Variants in SPAG6 observed in about 807,000 individuals in gnomAD.
SPAG6 encodes the protein sperm-associated antigen 6.
SPAG6 carries 49 observed loss-of-function variants against 58.5 expected under a neutral mutation model. That is an observed-to-expected ratio of 0.84 (90% CI 0.67 to 1.06). SPAG6 has a LOEUF of 1.06. SPAG6 is among the 50% of genes least tolerant of loss of function. The pLI is 0.00. For synonymous variants in SPAG6, 233 were observed against 225.6 expected, an observed-to-expected ratio of 1.03 and a Z score of -0.29; for missense variants, 560 against 611.3, an observed-to-expected ratio of 0.92 and a Z score of 0.89.
At position 22,364,860 on chromosome 10, in the gene SPAG6, G is replaced by A. The variant is rs755018549; in HGVS notation, c.129G>A (p.Met43Ile). ...NIETLQNAGVMSLLRTLLLDV... is the reference protein window; with the variant it reads ...NIETLQNAGVISLLRTLLLDV... ...TTTCATAATTTAACTCAGGTGTAAT[G>A]TCTTTGCTGAGAACTCTTCTTCTGG... Residue 43 changes from methionine to isoleucine, a missense_variant, in exon 3 of 11, where the codon ATG becomes ATA. Coordinates refer to ENST00000376624, the MANE Select transcript of SPAG6 (RefSeq NM_012443.4). 1.2e-6 allele frequency: 2 copies of A among 1,602,528 alleles called. No homozygotes were observed. Among genetic ancestry groups the A allele is most frequent in the East Asian group, 2.2e-5 (1 of 44,796 alleles).
chr10:22,414,752 C>G (rs1179428009), intron 10 of SPAG6, among the ~76,000 whole-genome samples: 1 of 152,038 alleles, frequency 6.6e-6, no homozygotes, highest in Non-Finnish European at 1.5e-5. Flanking sequence ...TACAGACATA[C>G]TAGCCATTTT....
intron 10 of SPAG6, chr10:22,413,032 C>T (rs1588568965): frequency 1.1e-5 from 1 of 89,084 alleles, no homozygotes. Context: ...AGGTAACTTT[C>T]AATGCAATTT....
Position 22,416,687 on chromosome 10 carries a change from G to A in SPAG6, c.1529G>A (p.Ter510=). ...RVDSYQPLNN[*] ...GACAGCTATCAACCACTTAATAACTGAGCAAAGTTATATTGTGATACTCAA... is the reference window on the plus strand; with the variant it reads ...GACAGCTATCAACCACTTAATAACTAAGCAAAGTTATATTGTGATACTCAA... The change falls in exon 11 of 11, where the codon TGA becomes TAA. Residue 510 remains the stop codon, a stop_retained_variant. Coordinates refer to ENST00000376624, the MANE Select transcript of SPAG6 (RefSeq NM_012443.4). 4 of 1,582,286 alleles carry A rather than the reference G, an allele frequency of 2.5e-6. No individual in the cohort carries two copies. The highest frequency in any genetic ancestry group is 1.7e-6 in the Non-Finnish European group (2 of 1,151,830).
intron 2 of SPAG6, among the ~76,000 whole-genome samples, chr10:22,362,708 A>G (rs879390088): frequency 1.3e-5 from 2 of 152,116 alleles, no homozygotes; most frequent in Non-Finnish European, 2.9e-5. Flanking sequence ...CAGCCTAGGC[A>G]ACAGAGCAAA....
At chr10:22,367,006 TG>T (rs200308641) in intron 3 of SPAG6, among the ~76,000 whole-genome samples, 88 of 148,734 alleles carry the variant, frequency 5.9e-4, no homozygotes, top group African/African-American at 2.1e-3. Flanking sequence ...GTGGTTTTGC[TG>T]GGTTTTTTTT....
At chr10:22,403,369 G>A (rs1190597211) in intron 9 of SPAG6, among the ~76,000 whole-genome samples, 2 of 151,984 alleles carry the variant, frequency 1.3e-5, no homozygotes, top group African/African-American at 4.8e-5. Context: ...CCACCTATGA[G>A]TGAGAATATG....
chr10:22,401,207 C>T lies in SPAG6; in HGVS notation c.1244C>T (p.Pro415Leu). 6.2e-7 allele frequency: 1 copy of T among 1,608,118 alleles called. No individual in the cohort carries two copies. The highest frequency in any genetic ancestry group is 8.5e-7 in the Non-Finnish European group (1 of 1,174,826). ...ATCCTGCAAAAATGTACCTACTTAC[C>T]AGCCCTTGAACCATTTCTATATGAT... ...KNILQKCTYLPALEPFLYDAP... is the reference protein window; with the variant it reads ...KNILQKCTYLLALEPFLYDAP... Residue 415 changes from proline (P) to leucine (L), a missense_variant, in exon 9 of 11, where the codon CCA becomes CTA. Pro to Leu is a moderately conservative substitution (Grantham distance 98). Coordinates refer to ENST00000376624, the MANE Select transcript of SPAG6 (RefSeq NM_012443.4).
At chr10:22,351,352 C>T (rs150934043) in intron 2 of SPAG6, among the ~76,000 whole-genome samples, 25 of 152,284 alleles carry the variant, frequency 1.6e-4, no homozygotes, top group African/African-American at 4.3e-4. Flanking sequence ...TTTAAACGCA[C>T]GCAGAGGAAA....
intron 8 of SPAG6, among the ~76,000 whole-genome samples, chr10:22,394,293 GT>G (rs61556254): frequency 0.071 from 10,744 of 152,120 alleles, 928 homozygotes; most frequent in African/African-American, 0.21. Flanking sequence ...TATTCAGGCA[GT>G]TATACCTTTA....
intron 8 of SPAG6, among the ~76,000 whole-genome samples, chr10:22,395,538 T>C (rs1214338452): frequency 6.6e-6 from 1 of 152,262 alleles, no homozygotes; most frequent in Non-Finnish European, 1.5e-5. Flanking sequence ...TTTAGAGAGA[T>C]GTCTATTCAG....
chr10:22,357,657 A>C (rs577968058), intron 2 of SPAG6, among the ~76,000 whole-genome samples: 1 of 151,882 alleles, frequency 6.6e-6, no homozygotes, highest in Admixed American at 6.6e-5. Context: ...ATATGTATAC[A>C]TGTGCCGTGC....
In SPAG6 at chr10:22,346,430, GTTCTTCTTCTTC is replaced by G. The variant is rs71393995; in HGVS notation, c.121+669_121+680del. Among the ~76,000 whole-genome samples, 698 of 95,994 alleles carry G rather than the reference GTTCTTCTTCTTC, an allele frequency of 7.3e-3. 3 individuals carry two copies. The highest frequency in any genetic ancestry group is 0.015 in the South Asian group (34 of 2,262). The allele number at this position is 95,994 out of a possible 152,430, so 63.0% of individuals were successfully genotyped here. Reference sequence around the variant, plus strand: ...TAACATAAACTGATAAGAGAAAATGGTTCTTCTTCTTCTTCTTCTTCTTCTTCTTCTTCTTCT... The same window carrying G: ...TAACATAAACTGATAAGAGAAAATGGTTCTTCTTCTTCTTCTTCTTCTTCT... On this transcript the variant is annotated intron_variant, in intron 2 of 10. Transcript: ENST00000376624.
intron 2 of SPAG6, among the ~76,000 whole-genome samples, chr10:22,353,083 T>G (rs1291492044): frequency 6.6e-6 from 1 of 152,200 alleles, no homozygotes. Context: ...TGGAGTAAAC[T>G]ATTTCAAATA....
chr10:22,354,789 C>A (rs1836820110), intron 2 of SPAG6, among the ~76,000 whole-genome samples: 1 of 152,028 alleles, frequency 6.6e-6, no homozygotes, highest in South Asian at 2.1e-4. Context: ...TTGGGTGGAA[C>A]ACCTGAAGTT....
chr10:22,373,250 C>T (rs529248789), intron 4 of SPAG6, among the ~76,000 whole-genome samples: 6 of 152,102 alleles, frequency 3.9e-5, no homozygotes, highest in African/African-American at 1.4e-4. Context: ...ATTGTATCCT[C>T]TTTACTAGAT....
intron 2 of SPAG6, among the ~76,000 whole-genome samples, chr10:22,348,077 G>A (rs542227837): frequency 3.6e-4 from 55 of 151,954 alleles, no homozygotes; most frequent in East Asian, 2.1e-3. Context: ...TACAACCTCC[G>A]CCTCCCAGGT....
intron 2 of SPAG6, among the ~76,000 whole-genome samples, chr10:22,352,223 G>A (rs1269423297): frequency 6.6e-6 from 1 of 151,322 alleles, no homozygotes; most frequent in African/African-American, 2.4e-5. Flanking sequence ...GTGTGTGTGT[G>A]TGTCTGAATG....
chr10:22,346,499 T>TTCTTCTTCTTCTTC (rs1491381117), intron 2 of SPAG6, among the ~76,000 whole-genome samples: 20 of 126,282 alleles, frequency 1.6e-4, no homozygotes, highest in Admixed American at 5.6e-4. Context: ...TCTTCTTCTT[T>TTCTTCTTCTTCTTC]CTTCTTCTTC....
At chr10:22,385,588 A>C (rs962187074) in intron 4 of SPAG6, among the ~76,000 whole-genome samples, 1 of 152,172 alleles carries the variant, frequency 6.6e-6, no homozygotes, top group Non-Finnish European at 1.5e-5. Flanking sequence ...TGTTTAATGG[A>C]AGAATGAATG....
Sources: allele counts gnomAD v4.1 joint callset (sites outside exome capture counted in the v4.1 genomes callset), GRCh38; gene constraint gnomAD v4.1.1; transcripts MANE v1.5; gene names NCBI Gene and HGNC (gene_info 2026-07-23, HGNC 2026-07-21).